Variants in TBCK observed in about 807,000 individuals in gnomAD.
The protein encoded by TBCK is TBC1 domain containing kinase.
A neutral mutation model predicts 113.4 loss-of-function variants in TBCK; 99 were observed. The observed-to-expected ratio is 0.87, with a 90% CI of 0.74 to 1.03. The LOEUF (loss-of-function observed/expected upper bound fraction) is 1.03. Ranked by LOEUF, TBCK falls within the 50% of genes least tolerant of loss-of-function variation. TBCK has a pLI of 0.00. For synonymous variants in TBCK, 369 were observed against 370.8 expected, an observed-to-expected ratio of 1.00 and a Z score of 0.05; for missense variants, 1,045 against 1,061.3, an observed-to-expected ratio of 0.98 and a Z score of 0.21.
intron 22 of TBCK, among the ~76,000 whole-genome samples, chr4:106,183,312 T>C (rs1752619689): frequency 2.0e-5 from 3 of 151,960 alleles, no homozygotes; most frequent in African/African-American, 7.2e-5. Context: ...CAGCATATCA[T>C]GCAAGGCCCC....
At position 106,087,050 on chromosome 4, in the gene TBCK, C is replaced by T. The variant is rs148267136; in HGVS notation, c.2571+8432G>A. ...TACAAGGATGCCCTCTCTCACCACT[C>T]CTATTCAACACAGTATAGGAAGTTC... is the stretch of plus-strand genomic sequence containing the variant. On this transcript the variant is annotated intron_variant, in intron 25 of 25. Transcript: ENST00000394708. Among the ~76,000 whole-genome samples, 860 of 152,282 alleles carry T rather than the reference C, an allele frequency of 5.6e-3. 9 individuals carry two copies. The highest frequency in any genetic ancestry group is 0.017 in the African/African-American group (692 of 41,542).
At chr4:106,083,526 C>G (rs1411357803) in intron 25 of TBCK, among the ~76,000 whole-genome samples, 1 of 152,192 alleles carries the variant, frequency 6.6e-6, no homozygotes, top group Non-Finnish European at 1.5e-5. Context: ...TCTGAGGAAT[C>G]CAGGCAGCTC....
At chr4:106,229,097 A>AT (rs1300469715) in intron 19 of TBCK, among the ~76,000 whole-genome samples, 5 of 151,696 alleles carry the variant, frequency 3.3e-5, no homozygotes, top group Admixed American at 1.3e-4. Flanking sequence ...AGATTATTAG[A>AT]TTTTTTTTCT....
intron 25 of TBCK, among the ~76,000 whole-genome samples, chr4:106,062,292 C>T (rs1736142035): frequency 6.6e-6 from 1 of 151,814 alleles, no homozygotes; most frequent in South Asian, 2.1e-4. Context: ...TAAAAACATG[C>T]ACTGGCTTAT....
chr4:106,277,116 G>C (rs1764114864), intron 3 of TBCK, among the ~76,000 whole-genome samples: 1 of 152,048 alleles, frequency 6.6e-6, no homozygotes. Flanking sequence ...AATATCATGG[G>C]AATGCAAAGT....
At chr4:106,118,169 G>A (rs949332869) in intron 23 of TBCK, among the ~76,000 whole-genome samples, 1 of 151,794 alleles carries the variant, frequency 6.6e-6, no homozygotes. Flanking sequence ...GTTACATTGT[G>A]GAATTCTACA....
intron 23 of TBCK, among the ~76,000 whole-genome samples, chr4:106,130,240 G>A (rs1007052522): frequency 5.3e-5 from 8 of 152,116 alleles, no homozygotes; most frequent in Middle Eastern, 3.2e-3. Flanking sequence ...TGTGTAATAT[G>A]TATTAAAATA....
rs555720668 is a variant in TBCK, at chr4:106,134,038, C to A, written c.2236-17660G>T. On this transcript the variant is annotated intron_variant, in intron 23 of 25. Transcript: ENST00000394708. ...ACAAAAACAAAAACAAAAAAAAAAA[C>A]AAAACAAAAAGCCAAAGTAGGCATA... Among the ~76,000 whole-genome samples the A allele has an allele frequency of 5.6e-4, 84 of 150,474 alleles. No individual in the cohort carries two copies. The East Asian group carries it at 8.8e-3, about 16-fold the overall frequency.
rs538717258 is a variant in TBCK, at chr4:106,247,226, G to C, written c.844C>G (p.Pro282Ala). 11 of 1,612,830 alleles carry C rather than the reference G, an allele frequency of 6.8e-6. No individual in the cohort carries two copies. The highest frequency in any genetic ancestry group is 8.5e-6 in the Non-Finnish European group (10 of 1,179,238). Residue 282 changes from proline to alanine, a missense_variant, in exon 10 of 26, where the codon CCC (proline) becomes GCC (alanine). By Grantham distance (27) the Pro-to-Ala change is conservative (BLOSUM62 -1). Transcript: ENST00000394708. The part of the protein sequence containing the change: ...VFSEVSPLYT[P>A]FTKPASLFSS... ...AACAGACTGGCAGGTTTGGTAAAGGGGGTATATAAAGGTGATACCTCACTG... is the reference window on the plus strand; with the variant it reads ...AACAGACTGGCAGGTTTGGTAAAGGCGGTATATAAAGGTGATACCTCACTG...
chr4:106,253,316 T>C (rs1761629542), intron 5 of TBCK, among the ~76,000 whole-genome samples: 1 of 152,194 alleles, frequency 6.6e-6, no homozygotes, highest in Non-Finnish European at 1.5e-5. Flanking sequence ...TAAATTCTTA[T>C]TTCTATTATA....
chr4:106,209,311 T>C (rs1489198685), intron 20 of TBCK, among the ~76,000 whole-genome samples: 1 of 152,262 alleles, frequency 6.6e-6, no homozygotes, highest in South Asian at 2.1e-4. Context: ...TTAACACCAA[T>C]GTACTCTCCA....
At chr4:106,185,146 CAGA>C (rs1426711556) in intron 22 of TBCK, among the ~76,000 whole-genome samples, 1 of 152,048 alleles carries the variant, frequency 6.6e-6, no homozygotes, top group South Asian at 2.1e-4. Flanking sequence ...ATAATTTGCA[CAGA>C]AGGATTAAAA....
At position 106,179,148 on chromosome 4, in the gene TBCK, A is replaced by G. The variant is rs192944445; in HGVS notation, c.2060-7878T>C. On this transcript the variant is annotated intron_variant, in intron 22 of 25. Transcript: ENST00000394708. ...ATTTGGGCCTAGTCCCTTTTTTGCT[A>G]GTCTAGCTAAAGGATTATTGATTTT... 2.0e-3 allele frequency among the ~76,000 whole-genome samples: 302 copies of G among 152,012 alleles called. 3 individuals carry two copies. Among genetic ancestry groups the G allele is most frequent in the Admixed American group, 7.2e-3 (110 of 15,236 alleles).
chr4:106,194,430 C>T (rs998831828), intron 21 of TBCK, among the ~76,000 whole-genome samples: 2 of 151,786 alleles, frequency 1.3e-5, no homozygotes, highest in Non-Finnish European at 2.9e-5. Context: ...TAATAGTTGC[C>T]CTTATAAGCT....
At chr4:106,185,558 CTGTATT>C (rs1752921230) in intron 22 of TBCK, among the ~76,000 whole-genome samples, 1 of 152,066 alleles carries the variant, frequency 6.6e-6, no homozygotes. Context: ...TGGAATCATG[CTGTATT>C]TGTTCCTGTG....
chr4:106,194,843 G>A lies in TBCK; in HGVS notation c.1861-89C>T, dbSNP rs1754042048. ...ATTACCAATAAACTAAATGGTAAAT[G>A]TAAGTTCTATGTTTTGGTCTACTTT... On this transcript the variant is annotated intron_variant, in intron 20 of 25. Coordinates refer to ENST00000394708, the MANE Select transcript of TBCK (RefSeq NM_001163435.3). The A allele has an allele frequency of 6.0e-6, 7 of 1,174,188 alleles. No individual in the cohort carries two copies. In the South Asian group the frequency reaches 8.8e-5, roughly 15 times the overall value. 72.7% of individuals were successfully genotyped at this position (1,174,188 alleles called of 1,614,324 possible). A position where few individuals can be genotyped will look rare whatever the true frequency, so the allele number is the denominator to read the frequency against.
At chr4:106,071,779 T>C (rs1260299070) in intron 25 of TBCK, among the ~76,000 whole-genome samples, 1 of 152,218 alleles carries the variant, frequency 6.6e-6, no homozygotes, top group African/African-American at 2.4e-5. Context: ...ATCTGGGTGC[T>C]CCTGTATAGG....
chr4:106,193,372 A>G (rs184380413), intron 22 of TBCK, among the ~76,000 whole-genome samples: 2 of 152,262 alleles, frequency 1.3e-5, no homozygotes, highest in East Asian at 3.9e-4. Flanking sequence ...TTACCCATTT[A>G]GTAGCATTAC....
intron 23 of TBCK, among the ~76,000 whole-genome samples, chr4:106,152,510 A>G (rs1748616733): frequency 6.6e-6 from 1 of 151,988 alleles, no homozygotes; most frequent in Non-Finnish European, 1.5e-5. Flanking sequence ...GAATTTTTGC[A>G]TCAACATTCA....
Sources: gnomAD v4.1 joint callset for allele counts (sites outside exome capture counted in the v4.1 genomes callset) on GRCh38, gnomAD v4.1.1 for gene constraint, MANE v1.5 for transcripts, NCBI Gene and HGNC (gene_info 2026-07-23, HGNC 2026-07-21) for gene names.